The following RPGRIP1 variants were observed in gnomAD, a reference collection of about 807,000 sequenced individuals.
RPGRIP1 encodes RPGR interacting protein 1.
Under a neutral mutation model 157.9 loss-of-function variants are expected in RPGRIP1, and 128 were observed. The ratio of observed to expected loss-of-function variants is 0.81; its 90% CI spans 0.70 to 0.94. The LOEUF (loss-of-function observed/expected upper bound fraction) is 0.94. Among genes scored for constraint, RPGRIP1 ranks in the 40% least tolerant of loss-of-function variants. The pLI is 0.00. For missense variants in RPGRIP1, 1,486 were observed against 1,545.8 expected (o/e 0.96, Z 0.65); for synonymous variants, 554 against 571.6 (o/e 0.97, Z 0.44).
At chr14:21,345,693 C>T (rs1314932972) in intron 23 of RPGRIP1, among the ~76,000 whole-genome samples, 1 of 152,220 alleles carries the variant, frequency 6.6e-6, no homozygotes, top group Non-Finnish European at 1.5e-5. Flanking sequence ...GCGTGAGCCA[C>T]CGTGTCCAGC....
intron 1 of RPGRIP1, among the ~76,000 whole-genome samples, chr14:21,283,761 G>A (rs1470252168): frequency 1.3e-5 from 2 of 151,826 alleles, no homozygotes; most frequent in Admixed American, 1.3e-4. Flanking sequence ...GGGTTGAAGC[G>A]ATTCTCCTGC....
At position 21,294,830 on chromosome 14, in the gene RPGRIP1, ATTTTTTTTTTTTTT is replaced by A. The variant is rs746359185; in HGVS notation, c.218+40_218+53del. On this transcript the variant is annotated intron_variant, in intron 3 of 24. Coordinates refer to ENST00000400017, the MANE Select transcript of RPGRIP1 (RefSeq NM_020366.4). ...AAAAGGTACTTAGAGTTCTCCTTAA[ATTTTTTTTTTTTTT>A]TTTTTTTTTTTTTTTTTTGAGACGG... is the stretch of plus-strand genomic sequence containing the variant. 807 of 777,532 alleles carry A rather than the reference ATTTTTTTTTTTTTT, an allele frequency of 1.0e-3. 4 individuals carry two copies. In the African/African-American group the frequency reaches 0.015, roughly 14 times the overall value. The allele number at this position is 777,532 out of a possible 1,614,324, so 48.2% of individuals were successfully genotyped here.
At chr14:21,338,138 A>C (rs954941342) in intron 21 of RPGRIP1, among the ~76,000 whole-genome samples, 8 of 151,986 alleles carry the variant, frequency 5.3e-5, no homozygotes, top group Non-Finnish European at 1.0e-4. Context: ...GGATGGTCTC[A>C]ATCTCCTGAC....
At chr14:21,349,159 C>T (rs1376002442) in intron 24 of RPGRIP1, among the ~76,000 whole-genome samples, 1 of 149,448 alleles carries the variant, frequency 6.7e-6, no homozygotes, top group African/African-American at 2.5e-5. Context: ...CAACCTCCAC[C>T]TCCCAGGTTA....
At chr14:21,343,320 C>T in intron 22 of RPGRIP1, 92 bp downstream of exon 22, 1 of 937,166 alleles carries the variant, frequency 1.1e-6, no homozygotes. Flanking sequence ...TGGGGTGAAT[C>T]CAGCCATTTC....
At chr14:21,339,214 G>A (rs1031628499) in intron 21 of RPGRIP1, among the ~76,000 whole-genome samples, 2 of 152,052 alleles carry the variant, frequency 1.3e-5, no homozygotes, top group Non-Finnish European at 1.5e-5. Flanking sequence ...TTGGGAGGCC[G>A]AGGTGGGCTG....
chr14:21,287,447 A>G (rs1382825795), intron 1 of RPGRIP1, among the ~76,000 whole-genome samples: 1 of 152,190 alleles, frequency 6.6e-6, no homozygotes, highest in Non-Finnish European at 1.5e-5. Context: ...GCTAATTTAA[A>G]CTTCTCAGTT....
chr14:21,326,591 A>G (rs1883138266), intron 17 of RPGRIP1, among the ~76,000 whole-genome samples: 1 of 152,002 alleles, frequency 6.6e-6, no homozygotes, highest in East Asian at 1.9e-4. Context: ...GCTGGTCTTC[A>G]ACTCCCGACC....
At chr14:21,283,254 G>T (rs1212671097) in intron 1 of RPGRIP1, among the ~76,000 whole-genome samples, 2 of 152,122 alleles carry the variant, frequency 1.3e-5, no homozygotes, top group Non-Finnish European at 2.9e-5. Context: ...AGGAAACTAG[G>T]AAGGTGGGTG....
intron 24 of RPGRIP1, among the ~76,000 whole-genome samples, chr14:21,350,248 G>T (rs781524490): frequency 1.3e-5 from 2 of 151,818 alleles, no homozygotes; most frequent in Non-Finnish European, 2.9e-5. Context: ...GCATGGCGGC[G>T]GACACCTGTA....
chr14:21,296,724 A>G (rs1260460453), intron 3 of RPGRIP1, among the ~76,000 whole-genome samples: 1 of 151,600 alleles, frequency 6.6e-6, no homozygotes, highest in African/African-American at 2.4e-5. Context: ...TGGGAGGCCA[A>G]GGCGGGTGGA....
intron 10 of RPGRIP1, among the ~76,000 whole-genome samples, chr14:21,312,779 C>T (rs949609602): frequency 1.3e-5 from 2 of 151,644 alleles, no homozygotes; most frequent in African/African-American, 4.9e-5. Context: ...ACCTCTACCT[C>T]CCGGGTTCAA....
intron 6 of RPGRIP1, among the ~76,000 whole-genome samples, chr14:21,305,736 C>T (rs1408289893): frequency 6.6e-6 from 1 of 152,094 alleles, no homozygotes; most frequent in East Asian, 1.9e-4. Context: ...TGGCTCATGC[C>T]TGTAATTCCA....
chr14:21,322,220 C>T (rs150115701), intron 14 of RPGRIP1, among the ~76,000 whole-genome samples: 23 of 152,084 alleles, frequency 1.5e-4, no homozygotes, highest in African/African-American at 5.1e-4. Context: ...TGCAGTGGTG[C>T]GATCTTGGCT....
At chr14:21,340,149 T>A (rs1165833622) in intron 21 of RPGRIP1, among the ~76,000 whole-genome samples, 2 of 151,172 alleles carry the variant, frequency 1.3e-5, no homozygotes, top group Non-Finnish European at 3.0e-5. Context: ...TAGGAAAGAG[T>A]TTGATTTACC....
chr14:21,319,214 A>G (rs1882127475), intron 11 of RPGRIP1, among the ~76,000 whole-genome samples: 1 of 152,120 alleles, frequency 6.6e-6, no homozygotes, highest in African/African-American at 2.4e-5. Context: ...CCCTTCTCTA[A>G]TGCATGATGG....
intron 18 of RPGRIP1, among the ~76,000 whole-genome samples, 178 bp downstream of exon 18, chr14:21,327,985 A>G (rs938760477): frequency 6.6e-6 from 1 of 152,194 alleles, no homozygotes; most frequent in African/African-American, 2.4e-5. Flanking sequence ...CCTGACCAAC[A>G]TGGGGAAACC....
intron 12 of RPGRIP1, among the ~76,000 whole-genome samples, chr14:21,320,595 C>CTT (rs34911429): frequency 0.17 from 16,241 of 94,976 alleles, 1,974 homozygotes; most frequent in East Asian, 0.24. Flanking sequence ...CCGGCCCACT[C>CTT]TTTTTTTTTT....
chr14:21,317,515 A>G, intron 10 of RPGRIP1, 181 bp from the exon 11 acceptor site: 1 of 1,470,016 alleles, frequency 6.8e-7, no homozygotes, highest in Non-Finnish European at 9.1e-7. Flanking sequence ...GCAATAACTC[A>G]GTAGGACTCA....
Sources: allele counts gnomAD v4.1 joint callset (sites outside exome capture counted in the v4.1 genomes callset), GRCh38; gene constraint gnomAD v4.1.1; transcripts MANE v1.5; gene names NCBI Gene and HGNC (gene_info 2026-07-23, HGNC 2026-07-21).